EEIG1: variants seen among roughly 807,000 people sequenced by gnomAD.
EEIG1 encodes early estrogen-induced gene 1 protein.
At chr9:127,956,901 G>A in the EEIG1 span, among the ~76,000 whole-genome samples, 1 of 152,168 alleles carries the variant, frequency 6.6e-6, no homozygotes, top group East Asian at 1.9e-4. Flanking sequence ...TTTTAGTAAA[G>A]ATGAGGTTTT....
chr9:127,949,311 C>CAAAAA, the EEIG1 span, among the ~76,000 whole-genome samples: 13 of 89,706 alleles, frequency 1.4e-4, no homozygotes, highest in East Asian at 3.5e-4. Context: ...GACTCTGTCT[C>CAAAAA]AAAAAAAAAA....
At chr9:127,942,867 G>A in the EEIG1 span, 1 of 418,920 alleles carries the variant, frequency 2.4e-6, no homozygotes, top group Non-Finnish European at 4.5e-6. Flanking sequence ...CCAGAGGGCT[G>A]GGTCAGTCTC....
chr9:127,966,122 C>T, the EEIG1 span, among the ~76,000 whole-genome samples: 1 of 152,172 alleles, frequency 6.6e-6, no homozygotes, highest in African/African-American at 2.4e-5. Context: ...GAGTGGACAG[C>T]CCACTGGGGC....
the EEIG1 span, among the ~76,000 whole-genome samples, chr9:127,965,734 G>A: frequency 2.0e-5 from 3 of 152,200 alleles, no homozygotes; most frequent in South Asian, 2.1e-4. Flanking sequence ...AATTTAAATC[G>A]ACAACATCTG....
At chr9:127,947,454 C>T in the EEIG1 span, among the ~76,000 whole-genome samples, 1 of 152,072 alleles carries the variant, frequency 6.6e-6, no homozygotes, top group African/African-American at 2.4e-5. Flanking sequence ...AAACAAAAAA[C>T]AGAGTGCCCA....
chr9:127,979,798 G>A, the EEIG1 span, among the ~76,000 whole-genome samples: 1 of 152,224 alleles, frequency 6.6e-6, no homozygotes, highest in African/African-American at 2.4e-5. Context: ...AGACCCCCAG[G>A]TATTTGGCTG....
chr9:127,944,891 T>C, the EEIG1 span: 3 of 1,611,714 alleles, frequency 1.9e-6, no homozygotes, highest in Non-Finnish European at 2.5e-6. Flanking sequence ...ACCGAGTCCT[T>C]CTTCCGCCTG....
At chr9:127,969,577 A>C in the EEIG1 span, among the ~76,000 whole-genome samples, 1 of 152,110 alleles carries the variant, frequency 6.6e-6, no homozygotes, top group African/African-American at 2.4e-5. Flanking sequence ...GAGGAAAGCA[A>C]AGCTCGGGGA....
the EEIG1 span, among the ~76,000 whole-genome samples, chr9:127,963,368 G>A: frequency 2.6e-5 from 4 of 152,362 alleles, no homozygotes; most frequent in East Asian, 7.7e-4. Context: ...AGTGATGAAC[G>A]GCCCTCCCGG....
At chr9:127,971,857 G>C in the EEIG1 span, among the ~76,000 whole-genome samples, 1 of 152,226 alleles carries the variant, frequency 6.6e-6, no homozygotes, top group Admixed American at 6.5e-5. Context: ...AAGAAATTCA[G>C]CGAGCAGAGA....
the EEIG1 span, among the ~76,000 whole-genome samples, chr9:127,964,256 T>G: frequency 6.6e-6 from 1 of 152,194 alleles, no homozygotes; most frequent in Non-Finnish European, 1.5e-5. Context: ...TCTCCACTGC[T>G]CAACAGAGGG....
At chr9:127,952,084 G>A in the EEIG1 span, among the ~76,000 whole-genome samples, 1 of 152,274 alleles carries the variant, frequency 6.6e-6, no homozygotes, top group African/African-American at 2.4e-5. Context: ...GTGGAGGTGA[G>A]ATGCTCCCAG....
chr9:127,951,207 G>A, the EEIG1 span, among the ~76,000 whole-genome samples: 8 of 152,148 alleles, frequency 5.3e-5, no homozygotes, highest in Non-Finnish European at 1.5e-5. Context: ...AGATTGAGAC[G>A]AGGTGGTGCC....
chr9:127,963,298 G>C, the EEIG1 span, among the ~76,000 whole-genome samples: 1 of 152,246 alleles, frequency 6.6e-6, no homozygotes, highest in African/African-American at 2.4e-5. Context: ...ACCAAGTGGA[G>C]TCACCCCATG....
At chr9:127,942,884 CGCCGG>C in the EEIG1 span, 4 of 452,250 alleles carry the variant, frequency 8.8e-6, no homozygotes, top group Non-Finnish European at 1.6e-5. Context: ...TCTCCAGCAG[CGCCGG>C]TCCTTGCCAG....
the EEIG1 span, among the ~76,000 whole-genome samples, chr9:127,966,757 G>A: frequency 1.3e-5 from 2 of 152,224 alleles, no homozygotes; most frequent in Non-Finnish European, 2.9e-5. Flanking sequence ...CTGTTTCCCA[G>A]GCACCCTCCT....
the EEIG1 span, chr9:127,943,104 T>C: frequency 3.8e-5 from 47 of 1,230,490 alleles, no homozygotes; most frequent in Non-Finnish European, 4.8e-5. Context: ...GGCGCAGAGG[T>C]GATCTGAAGG....
chr9:127,968,483 G>A, the EEIG1 span, among the ~76,000 whole-genome samples: 1 of 152,146 alleles, frequency 6.6e-6, no homozygotes, highest in Non-Finnish European at 1.5e-5. Context: ...TCGCAAGGAT[G>A]GTGCTGGGCA....
chr9:127,942,728 A>C, the EEIG1 span: 2 of 173,016 alleles, frequency 1.2e-5, no homozygotes, highest in Non-Finnish European at 1.3e-5. Flanking sequence ...GGGCAAGGGA[A>C]CAACGGAGCA....
Sources: allele counts gnomAD v4.1 joint callset (sites outside exome capture counted in the v4.1 genomes callset), GRCh38; gene constraint gnomAD v4.1.1; transcripts MANE v1.5; gene names NCBI Gene and HGNC (gene_info 2026-07-23, HGNC 2026-07-21).